SRGAP1: variants seen among roughly 807,000 people sequenced by gnomAD.
SRGAP1 encodes the protein SLIT-ROBO Rho GTPase-activating protein 1.
A neutral mutation model predicts 121.9 loss-of-function variants in SRGAP1; 43 were observed. The ratio of observed to expected loss-of-function variants is 0.35; its 90% CI spans 0.28 to 0.46. The LOEUF (loss-of-function observed/expected upper bound fraction) is 0.46. SRGAP1 is among the 20% of genes least tolerant of loss of function. The probability of loss-of-function intolerance (pLI) is 1.00; values close to 1 mark genes in which losing one functional copy is unlikely to be tolerated. For missense variants in SRGAP1, 1,102 were observed against 1,350.9 expected (o/e 0.82, Z 2.89); for synonymous variants, 447 against 485.4 (o/e 0.92, Z 1.04).
chr12:64,128,655 G>A (rs1049017256), intron 21 of SRGAP1, among the ~76,000 whole-genome samples: 1 of 152,152 alleles, frequency 6.6e-6, no homozygotes, highest in Non-Finnish European at 1.5e-5. Flanking sequence ...GACCCCCAGT[G>A]GATGCCTGAA....
chr12:64,066,535 A>G (rs1351473851), intron 8 of SRGAP1, among the ~76,000 whole-genome samples: 1 of 152,184 alleles, frequency 6.6e-6, no homozygotes, highest in Non-Finnish European at 1.5e-5. Flanking sequence ...TCACTTTCAT[A>G]CCCTGTTTTG....
At chr12:64,117,461 T>C (rs77244174) in intron 18 of SRGAP1, among the ~76,000 whole-genome samples, 2,941 of 152,302 alleles carry the variant, frequency 0.019, 55 homozygotes, top group South Asian at 0.12. Context: ...AGCTTTGTTT[T>C]TCAAATGCTT....
intron 8 of SRGAP1, among the ~76,000 whole-genome samples, chr12:64,077,053 A>G (rs1469679484): frequency 9.9e-5 from 15 of 152,228 alleles, no homozygotes; most frequent in Admixed American, 9.8e-4. Context: ...AAGAAATTCC[A>G]GGCAGAATAT....
At chr12:64,103,025 G>A (rs2036283891) in intron 15 of SRGAP1, among the ~76,000 whole-genome samples, 1 of 152,118 alleles carries the variant, frequency 6.6e-6, no homozygotes. Context: ...TCACTCTGTT[G>A]TCCAGGCTGG....
At chr12:64,094,586 T>C (rs2036118222) in intron 12 of SRGAP1, among the ~76,000 whole-genome samples, 1 of 152,202 alleles carries the variant, frequency 6.6e-6, no homozygotes, top group Admixed American at 6.5e-5. Context: ...TTGTCTTTCA[T>C]GATGAATATA....
At chr12:64,103,906 A>C (rs1009549161) in intron 15 of SRGAP1, among the ~76,000 whole-genome samples, 2 of 152,198 alleles carry the variant, frequency 1.3e-5, no homozygotes, top group Admixed American at 1.3e-4. Flanking sequence ...GTTAGTGTGA[A>C]CCTAAAAATG....
intron 2 of SRGAP1, among the ~76,000 whole-genome samples, chr12:63,984,378 A>G (rs1593005163): frequency 6.6e-6 from 1 of 152,204 alleles, no homozygotes; most frequent in African/African-American, 2.4e-5. Flanking sequence ...GGATAGCTTT[A>G]TATGCCAGAA....
At chr12:64,057,633 A>G (rs976242252) in intron 6 of SRGAP1, among the ~76,000 whole-genome samples, 4 of 152,174 alleles carry the variant, frequency 2.6e-5, no homozygotes, top group African/African-American at 7.2e-5. Context: ...TCTATACCCA[A>G]TATCCATGGC....
chr12:63,894,700 C>T (rs1900696530), intron 1 of SRGAP1, among the ~76,000 whole-genome samples: 1 of 152,060 alleles, frequency 6.6e-6, no homozygotes, highest in African/African-American at 2.4e-5. Context: ...CAATTCCCAC[C>T]TATGAGTGAG....
At chr12:63,957,090 A>G (rs929805835) in intron 1 of SRGAP1, among the ~76,000 whole-genome samples, 2 of 152,236 alleles carry the variant, frequency 1.3e-5, no homozygotes, top group Admixed American at 1.3e-4. Context: ...TGGTGTGGAT[A>G]CACACATTTC....
Position 64,065,232 on chromosome 12 carries a change from T to C in SRGAP1, c.1125+13T>C. ...CGAGAATGAAGAGGTGAGCATGCGTTCGTCCTGCCACACCAGTAATCTGAA... is the reference window on the plus strand; with the variant it reads ...CGAGAATGAAGAGGTGAGCATGCGTCCGTCCTGCCACACCAGTAATCTGAA... On this transcript the variant is annotated intron_variant, in intron 8 of 21. Coordinates refer to ENST00000355086, the MANE Select transcript of SRGAP1 (RefSeq NM_020762.4). 1 of 1,598,196 alleles carries C rather than the reference T, an allele frequency of 6.3e-7. No homozygotes were observed. The highest frequency in any genetic ancestry group is 1.1e-5 in the South Asian group (1 of 89,426).
At chr12:64,039,519 T>C (rs1464265693) in intron 4 of SRGAP1, among the ~76,000 whole-genome samples, 4 of 152,112 alleles carry the variant, frequency 2.6e-5, no homozygotes, top group Non-Finnish European at 4.4e-5. Flanking sequence ...AAAAGAAATA[T>C]TTCTCAGATA....
At chr12:63,864,045 A>T (rs2136269721) in intron 1 of SRGAP1, among the ~76,000 whole-genome samples, 1 of 152,336 alleles carries the variant, frequency 6.6e-6, no homozygotes, top group South Asian at 2.1e-4. Flanking sequence ...CTAAGGTTTC[A>T]GTTTACTATG....
At chr12:64,067,101 A>C (rs2035554911) in intron 8 of SRGAP1, among the ~76,000 whole-genome samples, 1 of 152,052 alleles carries the variant, frequency 6.6e-6, no homozygotes, top group Admixed American at 6.6e-5. Flanking sequence ...GGGCATTTGA[A>C]TCCTACTTTG....
intron 3 of SRGAP1, among the ~76,000 whole-genome samples, chr12:64,006,712 A>G (rs1272160341): frequency 1.3e-5 from 2 of 152,140 alleles, no homozygotes; most frequent in South Asian, 2.1e-4. Flanking sequence ...GCATAACTCT[A>G]TACTTACAAT....
chr12:64,131,666 A>AACTT (rs1270015566), intron 21 of SRGAP1, among the ~76,000 whole-genome samples: 1 of 152,222 alleles, frequency 6.6e-6, no homozygotes, highest in Non-Finnish European at 1.5e-5. Flanking sequence ...TTCCTCATGT[A>AACTT]ACTTATGCCT....
Position 63,954,677 on chromosome 12 carries a change from C to CAAAAAAAA in SRGAP1, c.68-29262_68-29255dup, listed in dbSNP as rs60508657. Among the ~76,000 whole-genome samples the CAAAAAAAA allele has an allele frequency of 2.3e-4, 24 of 104,598 alleles. 1 individual carries two copies. Among genetic ancestry groups the CAAAAAAAA allele is most frequent in the African/African-American group, 2.1e-4 (6 of 28,070 alleles). 68.6% of individuals were successfully genotyped at this position (104,598 alleles called of 152,430 possible). A position where few individuals can be genotyped will look rare whatever the true frequency, so the allele number is the denominator to read the frequency against. On this transcript the variant is annotated intron_variant, in intron 1 of 21. Transcript: ENST00000355086. ...TGGGGGACAGAGCGAGACTCCATCT[C>CAAAAAAAA]AAAAAAAAAAAAAAAGAAAAGAAAA...
chr12:63,900,216 T>TTTTTTTTTC, intron 1 of SRGAP1, among the ~76,000 whole-genome samples: 1 of 136,274 alleles, frequency 7.3e-6, no homozygotes, highest in Admixed American at 7.3e-5. Flanking sequence ...TTTTTTTTTT[T>TTTTTTTTTC]TTTTTTTGAG....
intron 2 of SRGAP1, among the ~76,000 whole-genome samples, chr12:63,986,479 A>G (rs1326568650): frequency 6.6e-6 from 1 of 150,982 alleles, no homozygotes; most frequent in Non-Finnish European, 1.5e-5. Context: ...GCTGGAGTGC[A>G]GTGGTGCAAT....
Sources: gnomAD v4.1 joint callset for allele counts (sites outside exome capture counted in the v4.1 genomes callset) on GRCh38, gnomAD v4.1.1 for gene constraint, MANE v1.5 for transcripts, NCBI Gene and HGNC (gene_info 2026-07-23, HGNC 2026-07-21) for gene names.